The following ZNF516 variants were observed in gnomAD, a reference collection of about 807,000 sequenced individuals.
The protein encoded by ZNF516 is zinc finger protein 516.
A neutral mutation model predicts 79.7 loss-of-function variants in ZNF516; 19 were observed. The observed-to-expected ratio is 0.24, with a 90% CI of 0.17 to 0.35. The LOEUF is 0.35. Ranked by LOEUF, ZNF516 falls within the 10% of genes least tolerant of loss-of-function variation. ZNF516 has a pLI of 1.00. For synonymous variants in ZNF516, 877 were observed against 739.5 expected, an observed-to-expected ratio of 1.19 and a Z score of -3.02; for missense variants, 1,678 against 1,679.5, an observed-to-expected ratio of 1.00 and a Z score of 0.02.
In ZNF516 at chr18:76,379,662, G is replaced by C; in HGVS notation, c.2452C>G (p.Pro818Ala). The change falls in exon 4 of 7, where the codon CCC becomes GCC. Residue 818 changes from proline (P) to alanine (A), a missense_variant. Around this residue, in one of 5 missense-constraint regions of ZNF516, gnomAD observed 1,294 missense variants for 1,248.3 expected, o/e 1.04. Transcript: ENST00000443185. ...TCTTTGCCACCGAGGGCAGGCGGGG[G>C]GCCCGTGCGTCCGCTCCGGGAAAGG... The part of the protein sequence containing the change: ...VFLSRSGRTG[P>A]PPALGGKECQ... 6.2e-7 allele frequency: 1 copy of C among 1,613,628 alleles called. No homozygotes were observed. Among genetic ancestry groups the C allele is most frequent in the Non-Finnish European group, 8.5e-7 (1 of 1,179,904 alleles).
chr18:76,421,318 G>A (rs1277330600), intron 3 of ZNF516, among the ~76,000 whole-genome samples: 1 of 152,236 alleles, frequency 6.6e-6, no homozygotes, highest in Non-Finnish European at 1.5e-5. Flanking sequence ...CGAGGCTGCT[G>A]TCCTGGCTGC....
Position 76,384,936 on chromosome 18 carries a change from C to T in ZNF516, c.1811-4633G>A, listed in dbSNP as rs117334800. Among the ~76,000 whole-genome samples, 262 of 152,338 alleles carry T rather than the reference C, an allele frequency of 1.7e-3. 3 individuals are homozygous for T. Among genetic ancestry groups the T allele is most frequent in the South Asian group, 4.8e-3 (23 of 4,826 alleles). On this transcript the variant is annotated intron_variant, in intron 3 of 6. Coordinates refer to ENST00000443185, the MANE Select transcript of ZNF516 (RefSeq NM_014643.4). ...CTGCCTCTAACCCTGACCGCAGTGC[C>T]GAGGGCACACACCAGAGAGGGAAGG...
At chr18:76,468,767 A>T (rs1913650132) in intron 1 of ZNF516, among the ~76,000 whole-genome samples, 1 of 152,108 alleles carries the variant, frequency 6.6e-6, no homozygotes, top group Non-Finnish European at 1.5e-5. Flanking sequence ...TCTTCTTCCA[A>T]TGTGGCCGAG....
chr18:76,417,164 ATGCCGC>A (rs2075443175), intron 3 of ZNF516, among the ~76,000 whole-genome samples: 1 of 152,226 alleles, frequency 6.6e-6, no homozygotes, highest in Non-Finnish European at 1.5e-5. Flanking sequence ...GAATGCCTCG[ATGCCGC>A]AGCGGCTACT....
At chr18:76,377,719 T>A (rs1270738150) in intron 4 of ZNF516, among the ~76,000 whole-genome samples, 1 of 150,318 alleles carries the variant, frequency 6.7e-6, no homozygotes, top group African/African-American at 2.4e-5. Flanking sequence ...AACGTTATTT[T>A]TTTTTTTTTT....
At chr18:76,383,062 G>A (rs866555797) in intron 3 of ZNF516, among the ~76,000 whole-genome samples, 3 of 140,274 alleles carry the variant, frequency 2.1e-5, no homozygotes, top group Middle Eastern at 7.3e-3. Flanking sequence ...AAAAAAAAGC[G>A]CATGGTCTAG....
chr18:76,476,693 A>G (rs1281530514), intron 1 of ZNF516, among the ~76,000 whole-genome samples: 1 of 152,232 alleles, frequency 6.6e-6, no homozygotes, highest in Non-Finnish European at 1.5e-5. Context: ...ACTAACCTCC[A>G]AAACCAGTCA....
chr18:76,407,603 C>T (rs1323862791), intron 3 of ZNF516, among the ~76,000 whole-genome samples: 2 of 152,200 alleles, frequency 1.3e-5, no homozygotes, highest in Admixed American at 1.3e-4. Flanking sequence ...ATCCACTCGT[C>T]CACCACCAAG....
intron 2 of ZNF516, among the ~76,000 whole-genome samples, chr18:76,444,926 G>C (rs1192619555): frequency 6.6e-6 from 1 of 152,174 alleles, no homozygotes; most frequent in Non-Finnish European, 1.5e-5. Flanking sequence ...TTTCCAGAAA[G>C]CCCCGCTTTG....
In ZNF516 at chr18:76,380,250, A is replaced by G. The variant is rs2074868756; in HGVS notation, c.1864T>C (p.Ser622Pro). 6.2e-7 allele frequency: 1 copy of G among 1,613,744 alleles called. No homozygotes were observed. Among genetic ancestry groups the G allele is most frequent in the Non-Finnish European group, 8.5e-7 (1 of 1,179,866 alleles). Residue 622 changes from serine to proline, a missense_variant, in exon 4 of 7, where the codon TCC becomes CCC. By Grantham distance (74) the Ser-to-Pro change is moderately conservative. Coordinates refer to ENST00000443185, the MANE Select transcript of ZNF516 (RefSeq NM_014643.4). Reference sequence around the variant, plus strand: ...ATCTTGTGACTCTGGTCTCCACTGGAGAGCTCGGTCGAAGTCACCTCTTCG... The same window carrying G: ...ATCTTGTGACTCTGGTCTCCACTGGGGAGCTCGGTCGAAGTCACCTCTTCG... Reference protein sequence around the residue: ...FSEEVTSTELSSGDQSHKMGD... With the variant: ...FSEEVTSTELPSGDQSHKMGD...
chr18:76,441,303 G>A lies in ZNF516; in HGVS notation c.1752C>T (p.Gly584=), dbSNP rs1371276037. ...ACAAADSPGS[G]LADEAAEDSG... ...TGTCTTCGGCAGCCTCGTCGGCCAG[G>A]CCAGAGCCCGGGGAGTCAGCAGCGG... Residue 584 remains glycine, a synonymous_variant, in exon 3 of 7, where the codon GGC becomes GGT. Coordinates refer to ENST00000443185, the MANE Select transcript of ZNF516 (RefSeq NM_014643.4). 1 of 1,611,416 alleles carries A rather than the reference G, an allele frequency of 6.2e-7. No homozygotes were observed. Among genetic ancestry groups the A allele is most frequent in the Non-Finnish European group, 8.5e-7 (1 of 1,179,490 alleles).
chr18:76,373,182 AAAAG>A (rs1288023677), intron 4 of ZNF516, among the ~76,000 whole-genome samples: 1 of 151,930 alleles, frequency 6.6e-6, no homozygotes, highest in Non-Finnish European at 1.5e-5. Flanking sequence ...AGGAAAAAGA[AAAAG>A]AACAGAAGAG....
intron 2 of ZNF516, among the ~76,000 whole-genome samples, chr18:76,446,883 TA>T (rs1912083581): frequency 6.6e-6 from 1 of 152,062 alleles, no homozygotes; most frequent in Non-Finnish European, 1.5e-5. Context: ...GAAAGATACA[TA>T]AATGTAGAAA....
intron 3 of ZNF516, among the ~76,000 whole-genome samples, chr18:76,410,863 A>G (rs1018309481): frequency 6.6e-5 from 10 of 152,192 alleles, no homozygotes; most frequent in Admixed American, 5.9e-4. Flanking sequence ...GTTATAGCCA[A>G]TTAAACACAT....
intron 1 of ZNF516, among the ~76,000 whole-genome samples, chr18:76,477,551 T>C (rs1794214142): frequency 6.6e-6 from 1 of 152,144 alleles, no homozygotes; most frequent in South Asian, 2.1e-4. Context: ...AAAAACAAGG[T>C]CAGGTTTTTG....
chr18:76,430,766 G>C (rs17059361), intron 3 of ZNF516, among the ~76,000 whole-genome samples: 2,675 of 152,326 alleles, frequency 0.018, 76 homozygotes, highest in African/African-American at 0.059. Context: ...CTGGAGTTAA[G>C]AGAAAGAACA....
At chr18:76,412,261 G>A (rs540774444) in intron 3 of ZNF516, among the ~76,000 whole-genome samples, 3 of 152,210 alleles carry the variant, frequency 2.0e-5, no homozygotes, top group African/African-American at 7.2e-5. Flanking sequence ...ACTTCCAGGG[G>A]AGAACACCCT....
In ZNF516 at chr18:76,442,244, G is replaced by C; in HGVS notation, c.811C>G (p.Arg271Gly). ...WFLKAHMKKH[R>G]GSFDHGCHIC... Reference sequence around the variant, plus strand: ...TGGCAGCCGTGGTCGAAGGAGCCCCGGTGCTTCTTCATGTGCGCCTTCAGG... The same window carrying C: ...TGGCAGCCGTGGTCGAAGGAGCCCCCGTGCTTCTTCATGTGCGCCTTCAGG... Residue 271 changes from arginine to glycine, a missense_variant, in exon 3 of 7, where the codon CGG (arginine) becomes GGG (glycine). Around this residue, in one of 5 missense-constraint regions of ZNF516, gnomAD observed 17 missense variants for 51.8 expected, o/e 0.33. Transcript: ENST00000443185. The C allele has an allele frequency of 6.2e-7, 1 of 1,613,666 alleles. No homozygotes were observed. Among genetic ancestry groups the C allele is most frequent in the South Asian group, 1.1e-5 (1 of 91,074 alleles).
At chr18:76,427,576 T>C (rs1368743185) in intron 3 of ZNF516, among the ~76,000 whole-genome samples, 1 of 152,148 alleles carries the variant, frequency 6.6e-6, no homozygotes, top group Non-Finnish European at 1.5e-5. Flanking sequence ...TCAATGAGAA[T>C]AGTTTAATGG....
Sources: gnomAD v4.1 joint callset for allele counts (sites outside exome capture counted in the v4.1 genomes callset) on GRCh38, gnomAD v4.1.1 for gene constraint, gnomAD v4.1.1 regional missense constraint, MANE v1.5 for transcripts, NCBI Gene and HGNC (gene_info 2026-07-23, HGNC 2026-07-21) for gene names.